TET3: variants seen among roughly 807,000 people sequenced by gnomAD.
TET3 encodes tet methylcytosine dioxygenase 3.
TET3 carries 19 observed loss-of-function variants against 141.4 expected under a neutral mutation model. The ratio of observed to expected loss-of-function variants is 0.13; its 90% CI spans 0.09 to 0.20. The LOEUF is 0.20. TET3 is among the 10% of genes least tolerant of loss of function. The pLI, the probability that TET3 is intolerant of heterozygous loss-of-function variation, is 1.00. For missense variants in TET3, 1,874 were observed against 2,356.9 expected (o/e 0.80, Z 4.24); for synonymous variants, 1,043 against 980.9 (o/e 1.06, Z -1.18).
intron 11 of TET3, among the ~76,000 whole-genome samples, chr2:74,100,137 A>AC (rs1691096051): frequency 6.6e-6 from 1 of 151,748 alleles, no homozygotes; most frequent in East Asian, 1.9e-4. Flanking sequence ...GGTACTGTGG[A>AC]CCCCGCATGA....
At chr2:74,078,467 C>A (rs1689635634) in intron 5 of TET3, among the ~76,000 whole-genome samples, 1 of 152,156 alleles carries the variant, frequency 6.6e-6, no homozygotes, top group South Asian at 2.1e-4. Flanking sequence ...TCAGTACATA[C>A]AATTCTACCT....
intron 5 of TET3, among the ~76,000 whole-genome samples, chr2:74,076,441 G>GTTTTTTTTTTTTTTTTTTTTTTTT (rs70965785): frequency 3.5e-5 from 2 of 56,584 alleles, no homozygotes; most frequent in African/African-American, 6.2e-5. Flanking sequence ...ATTCCTCTGG[G>GTTTTTTTTTTTTTTTTTTTTTTTT]TTTTTTTTTT....
At chr2:74,067,074 A>G (rs1400520329) in intron 4 of TET3, among the ~76,000 whole-genome samples, 1 of 151,808 alleles carries the variant, frequency 6.6e-6, no homozygotes, top group East Asian at 1.9e-4. Flanking sequence ...TCCATCACCC[A>G]CATTCTCATA....
chr2:74,046,832 A>G lies in TET3; in HGVS notation c.915A>G (p.Pro305=), dbSNP rs765792355. Residue 305 remains proline (P), a synonymous_variant, in exon 4 of 12, where the codon CCA becomes CCG. Coordinates refer to ENST00000409262, the MANE Select transcript of TET3 (RefSeq NM_001287491.2). This position sits in a 1 kb window ranked among gnomAD's most constrained non-coding sequence, Gnocchi z 4.3. ...MEGGEERPRL[P]GPLPPGEAGL... ...GAGGGGAGGAGCGGCCCAGGCTCCC[A>G]GGGCCTCTGCCTCCTGGTGAGGCCG... 2 of 1,613,334 alleles carry G rather than the reference A, an allele frequency of 1.2e-6. No homozygotes were observed. The highest frequency in any genetic ancestry group is 1.3e-5 in the African/African-American group (1 of 75,046).
At chr2:74,028,123 A>G (rs553436379) in intron 3 of TET3, among the ~76,000 whole-genome samples, 123 of 152,030 alleles carry the variant, frequency 8.1e-4, no homozygotes, top group African/African-American at 2.9e-3. Context: ...AGCTAGGACT[A>G]CAGATGTGTG....
In TET3 at chr2:74,105,137, G is replaced by A; in HGVS notation, c.*2961G>A. 2.5e-6 allele frequency: 1 copy of A among 398,464 alleles called. No homozygotes were observed. 24.7% of individuals were successfully genotyped at this position (398,464 alleles called of 1,614,324 possible). A position where few individuals can be genotyped will look rare whatever the true frequency, so the allele number is the denominator to read the frequency against. Reference sequence around the variant, plus strand: ...TTTTAAGTCCTAAAGATGATTAACAGACATTTTTATCATGAGAAGAAAAAT... The same window carrying A: ...TTTTAAGTCCTAAAGATGATTAACAAACATTTTTATCATGAGAAGAAAAAT... On this transcript the variant is annotated 3_prime_UTR_variant, in exon 12 of 12. Coordinates refer to ENST00000409262, the MANE Select transcript of TET3 (RefSeq NM_001287491.2).
chr2:73,985,842 C>T (rs1449631377), intron 1 of TET3, 138 bp from the exon 2 acceptor site: 2 of 152,008 alleles, frequency 1.3e-5, no homozygotes, highest in East Asian at 3.9e-4. Context: ...TGCGTCCTGC[C>T]TGAGGTTCTG....
intron 4 of TET3, among the ~76,000 whole-genome samples, chr2:74,072,304 G>A (rs1689252906): frequency 1.3e-5 from 2 of 152,194 alleles, no homozygotes; most frequent in South Asian, 4.1e-4. Flanking sequence ...CCTGAGGTCA[G>A]GAGTTCGAGA....
chr2:74,091,746 TA>T (rs1690508144), intron 8 of TET3, among the ~76,000 whole-genome samples: 1 of 152,242 alleles, frequency 6.6e-6, no homozygotes, highest in Non-Finnish European at 1.5e-5. Context: ...TTCTTCTTCA[TA>T]AACCCTTTGT....
At chr2:74,077,020 G>A (rs946930574) in intron 5 of TET3, among the ~76,000 whole-genome samples, 5 of 152,182 alleles carry the variant, frequency 3.3e-5, no homozygotes, top group Admixed American at 6.5e-5. Context: ...TGTCAAACTC[G>A]TATCTGAGAC....
At chr2:74,019,576 A>G (rs1234262112) in intron 3 of TET3, among the ~76,000 whole-genome samples, 1 of 152,166 alleles carries the variant, frequency 6.6e-6, no homozygotes, top group Non-Finnish European at 1.5e-5. Flanking sequence ...TGTCACCAGT[A>G]CCTGGCACAA....
intron 3 of TET3, among the ~76,000 whole-genome samples, chr2:74,020,388 G>A (rs190052201): frequency 6.6e-6 from 1 of 152,288 alleles, no homozygotes; most frequent in African/African-American, 2.4e-5. Context: ...TCACCATATT[G>A]CCCAGGCTGG....
chr2:74,091,920 A>G (rs1458393340), intron 8 of TET3, among the ~76,000 whole-genome samples: 1 of 152,176 alleles, frequency 6.6e-6, no homozygotes, highest in Non-Finnish European at 1.5e-5. Context: ...GTGTGGAAAC[A>G]TTCTCTGCTG....
At chr2:74,116,363 TC>T in the TET3 span, among the ~76,000 whole-genome samples, 1 of 151,854 alleles carries the variant, frequency 6.6e-6, no homozygotes, top group Non-Finnish European at 1.5e-5. Context: ...TGGGCATTTA[TC>T]CCCAGGAAAG....
At chr2:74,001,663 C>G (rs1413068075) in intron 2 of TET3, among the ~76,000 whole-genome samples, 1 of 152,036 alleles carries the variant, frequency 6.6e-6, no homozygotes, top group African/African-American at 2.4e-5. Flanking sequence ...CCTGGGTGGC[C>G]CAGGAAGTAA....
chr2:74,046,271 T>C lies in TET3; in HGVS notation c.361-7T>C. 1 of 1,492,744 alleles carries C rather than the reference T, an allele frequency of 6.7e-7. No homozygotes were observed. The allele number at this position is 1,492,744 out of a possible 1,614,324, so 92.5% of individuals were successfully genotyped here. ...TTTTCCTTTTTCCCCCTTCTCTCTC[T>C]CTTTAGACAGGCTCAGAGCTCAGCC... On this transcript the variant is annotated splice_polypyrimidine_tract_variant and splice_region_variant and intron_variant, in intron 3 of 11. Transcript: ENST00000409262. The surrounding 1 kb of genome is among the most constrained non-coding windows in gnomAD (Gnocchi z 4.3).
intron 3 of TET3, among the ~76,000 whole-genome samples, chr2:74,012,322 A>G (rs1014272622): frequency 1.3e-5 from 2 of 152,160 alleles, no homozygotes; most frequent in East Asian, 1.9e-4. Context: ...TTCTATGCAT[A>G]TTTCATATCT....
intron 6 of TET3, among the ~76,000 whole-genome samples, chr2:74,084,480 T>G (rs1025759256): frequency 6.8e-6 from 1 of 147,584 alleles, no homozygotes; most frequent in African/African-American, 2.5e-5. Flanking sequence ...TGAGATGGAG[T>G]CTCGCTCTGT....
At chr2:74,115,027 C>A in the TET3 span, among the ~76,000 whole-genome samples, 1 of 151,924 alleles carries the variant, frequency 6.6e-6, no homozygotes, top group Non-Finnish European at 1.5e-5. Flanking sequence ...GGAAATGCTT[C>A]AGGACATTGG....
Sources: gnomAD v4.1 joint callset for allele counts (sites outside exome capture counted in the v4.1 genomes callset) on GRCh38, gnomAD v4.1.1 for gene constraint, Gnocchi (gnomAD v3.1) non-coding constraint, MANE v1.5 for transcripts, NCBI Gene and HGNC (gene_info 2026-07-23, HGNC 2026-07-21) for gene names.